Variants in LHFPL5 observed in about 807,000 individuals in gnomAD.
LHFPL5 encodes the protein LHFPL tetraspan subfamily member 5 protein.
In LHFPL5, 12 loss-of-function variants were observed where a neutral mutation model predicts 18.7. That is an observed-to-expected ratio of 0.64 (90% CI 0.41 to 1.04). The LOEUF (loss-of-function observed/expected upper bound fraction) is 1.04. LHFPL5 is among the 50% of genes least tolerant of loss of function. The probability of loss-of-function intolerance (pLI) is 0.00; values close to 1 mark genes in which losing one functional copy is unlikely to be tolerated. For missense variants in LHFPL5, 259 were observed against 292.1 expected (o/e 0.89, Z 0.83); for synonymous variants, 111 against 120.2 (o/e 0.92, Z 0.50).
intron 1 of LHFPL5, among the ~76,000 whole-genome samples, chr6:35,809,629 G>A (rs889542877): frequency 3.3e-5 from 5 of 151,972 alleles, no homozygotes; most frequent in African/African-American, 7.2e-5. Flanking sequence ...TCAGCCTCCC[G>A]AGTAGCTGGG....
chr6:35,806,592 C>T (rs1270878260), intron 1 of LHFPL5, among the ~76,000 whole-genome samples: 2 of 152,160 alleles, frequency 1.3e-5, no homozygotes, highest in African/African-American at 4.8e-5. Context: ...TGTCCTCATT[C>T]TCTCTCTCCC....
At chr6:35,821,670 G>A (rs376880544) in intron 3 of LHFPL5, among the ~76,000 whole-genome samples, 2 of 149,640 alleles carry the variant, frequency 1.3e-5, no homozygotes, top group African/African-American at 5.1e-5. Flanking sequence ...TAGTAGAGAC[G>A]GGGTTTCTCC....
At chr6:35,813,874 G>A (rs1319158291) in intron 1 of LHFPL5, among the ~76,000 whole-genome samples, 3 of 131,922 alleles carry the variant, frequency 2.3e-5, no homozygotes, top group African/African-American at 2.9e-5. Flanking sequence ...TCAGCTCACC[G>A]CAACCTCTGC....
At chr6:35,815,057 G>C (rs904124694) in intron 2 of LHFPL5, among the ~76,000 whole-genome samples, 5 of 152,142 alleles carry the variant, frequency 3.3e-5, no homozygotes, top group Non-Finnish European at 7.4e-5. Flanking sequence ...AGCCTTGGGG[G>C]CTAAGTGTGG....
chr6:35,810,492 G>A (rs1561952455), intron 1 of LHFPL5, among the ~76,000 whole-genome samples: 1 of 152,090 alleles, frequency 6.6e-6, no homozygotes. Flanking sequence ...CGAGGTGGGT[G>A]GATCATGATG....
chr6:35,809,770 C>T (rs539527345), intron 1 of LHFPL5, among the ~76,000 whole-genome samples: 30 of 152,314 alleles, frequency 2.0e-4, no homozygotes, highest in African/African-American at 7.0e-4. Flanking sequence ...TCCCAAAGTG[C>T]TGGGATTACA....
At chr6:35,812,802 C>A (rs1768687518) in intron 1 of LHFPL5, among the ~76,000 whole-genome samples, 1 of 152,204 alleles carries the variant, frequency 6.6e-6, no homozygotes, top group Admixed American at 6.5e-5. Context: ...CGCCTGTAAT[C>A]CCAGCACTTT....
intron 2 of LHFPL5, among the ~76,000 whole-genome samples, chr6:35,818,345 ATATG>A (rs1768802696): frequency 3.8e-4 from 2 of 5,254 alleles, no homozygotes; most frequent in African/African-American, 4.5e-4. Flanking sequence ...ATATATATAT[ATATG>A]TATTTTTTTT....
intron 1 of LHFPL5, among the ~76,000 whole-genome samples, chr6:35,813,678 G>A (rs962042269): frequency 2.0e-4 from 31 of 151,648 alleles, no homozygotes; most frequent in African/African-American, 7.0e-4. Context: ...AAGCCTTCCT[G>A]TATACATTAA....
chr6:35,815,783 C>T (rs1457258763), intron 2 of LHFPL5, among the ~76,000 whole-genome samples: 3 of 152,192 alleles, frequency 2.0e-5, no homozygotes, highest in East Asian at 1.9e-4. Flanking sequence ...TCCTCTCTGG[C>T]CAAGCCCGGG....
chr6:35,815,417 GGT>G (rs1343443803), intron 2 of LHFPL5, among the ~76,000 whole-genome samples: 5 of 152,040 alleles, frequency 3.3e-5, no homozygotes, highest in Non-Finnish European at 7.4e-5. Flanking sequence ...TTCTTCCTAG[GGT>G]GCCTTTTGCT....
chr6:35,808,451 C>T (rs1382311149), intron 1 of LHFPL5, among the ~76,000 whole-genome samples: 1 of 145,938 alleles, frequency 6.9e-6, no homozygotes, highest in Non-Finnish European at 1.5e-5. Flanking sequence ...AGTTCGAGAC[C>T]AGCCTGAGCA....
chr6:35,821,641 C>G (rs1768869692), intron 3 of LHFPL5, among the ~76,000 whole-genome samples: 1 of 151,580 alleles, frequency 6.6e-6, no homozygotes, highest in African/African-American at 2.4e-5. Context: ...GCCACCACAC[C>G]CGGCTAATTT....
intron 3 of LHFPL5, 38 bp downstream of exon 3, chr6:35,819,501 A>T: frequency 6.3e-7 from 1 of 1,599,766 alleles, no homozygotes; most frequent in Non-Finnish European, 8.6e-7. Flanking sequence ...GCGTGCCCTT[A>T]GAAAGGCTGG....
Position 35,814,072 on chromosome 6 carries a change from C to T in LHFPL5, c.413-474C>T, listed in dbSNP as rs969565179. On this transcript the variant is annotated intron_variant, in intron 1 of 3. Transcript: ENST00000360215. The surrounding 1 kb of genome is among the most constrained non-coding windows in gnomAD (Gnocchi z 4.2). ...TCGACCTCCCAAAGTGCTGGGATTA[C>T]AGGTGTGAGCCACCACCCCCAGGCT... Among the ~76,000 whole-genome samples the T allele has an allele frequency of 2.0e-5, 3 of 152,210 alleles. No individual in the cohort carries two copies. Among genetic ancestry groups the T allele is most frequent in the Non-Finnish European group, 4.4e-5 (3 of 68,030 alleles).
chr6:35,818,670 T>TA (rs1361723091), intron 2 of LHFPL5, among the ~76,000 whole-genome samples: 24 of 144,866 alleles, frequency 1.7e-4, no homozygotes, highest in South Asian at 6.5e-4. Context: ...TTATATTAAT[T>TA]AAAAAAAAAA....
chr6:35,818,745 A>C (rs936407614), intron 2 of LHFPL5, among the ~76,000 whole-genome samples: 4 of 145,890 alleles, frequency 2.7e-5, no homozygotes, highest in African/African-American at 1.0e-4. Context: ...GCAAGTGATT[A>C]ATAAATTAGT....
intron 1 of LHFPL5, among the ~76,000 whole-genome samples, chr6:35,811,967 A>G: frequency 6.6e-6 from 1 of 152,210 alleles, no homozygotes; most frequent in Admixed American, 6.6e-5. Flanking sequence ...AAAGTCAGGA[A>G]TGGAGAACTC....
In LHFPL5 at chr6:35,806,039, G is replaced by A. The variant is rs758803556; in HGVS notation, c.369G>A (p.Thr123=). The change falls in exon 1 of 4, where the codon ACG becomes ACA. Residue 123 remains threonine, a synonymous_variant. Transcript: ENST00000360215. ...TCAGCCTGTTCTTCATCTGCAACACGGCCACAGTCTATAAGATCTGTGCAT... is the reference window on the plus strand; with the variant it reads ...TCAGCCTGTTCTTCATCTGCAACACAGCCACAGTCTATAAGATCTGTGCAT... ...ICFSLFFICN[T]ATVYKICAWM... is the part of the protein sequence containing the mutation. 5 of 1,614,026 alleles carry A rather than the reference G, an allele frequency of 3.1e-6. No homozygotes were observed. The highest frequency in any genetic ancestry group is 4.2e-6 in the Non-Finnish European group (5 of 1,180,040).
Sources: gnomAD v4.1 joint callset for allele counts (sites outside exome capture counted in the v4.1 genomes callset) on GRCh38, gnomAD v4.1.1 for gene constraint, Gnocchi (gnomAD v3.1) non-coding constraint, MANE v1.5 for transcripts, NCBI Gene and HGNC (gene_info 2026-07-23, HGNC 2026-07-21) for gene names.